The following TRMT61B variants were observed in gnomAD, a reference collection of about 807,000 sequenced individuals.
TRMT61B encodes tRNA methyltransferase 61B.
In TRMT61B, 56 loss-of-function variants were observed where a neutral mutation model predicts 52.0. That is an observed-to-expected ratio of 1.08 (90% CI 0.87 to 1.35). The LOEUF is 1.35. TRMT61B is among the 40% of genes most tolerant of loss of function. TRMT61B has a pLI of 0.00. For missense variants in TRMT61B, 650 were observed against 577.9 expected (o/e 1.12, Z -1.28); for synonymous variants, 206 against 220.0 (o/e 0.94, Z 0.56).
intron 3 of TRMT61B, among the ~76,000 whole-genome samples, chr2:28,856,951 T>C (rs949191224): frequency 7.9e-5 from 12 of 152,070 alleles, no homozygotes; most frequent in African/African-American, 2.9e-4. Context: ...ATTTAATTTT[T>C]GAGACAGAGT....
In TRMT61B at chr2:28,870,021, T is replaced by C. The variant is rs140754065; in HGVS notation, c.257A>G (p.Glu86Gly). 1 of 1,613,804 alleles carries C rather than the reference T, an allele frequency of 6.2e-7. No individual in the cohort carries two copies. The highest frequency in any genetic ancestry group is 1.3e-5 in the African/African-American group (1 of 75,060). The part of the protein sequence containing the change: ...DIGTGCLSSL[E>G]NLRLPTLREE... ...CCGCAGCGTCGGCAGTCTGAGGTTT[T>C]CCAGTGACGAAAGACATCCAGTCCC... Residue 86 changes from glutamate to glycine, a missense_variant, in exon 1 of 7, where the codon GAA (glutamate) becomes GGA (glycine). Transcript: ENST00000306108.
At chr2:28,864,863 G>T (rs564236776) in intron 2 of TRMT61B, among the ~76,000 whole-genome samples, 154 bp downstream of exon 2, 69 of 152,280 alleles carry the variant, frequency 4.5e-4, no homozygotes, top group African/African-American at 1.6e-3. Context: ...TAAATGTACA[G>T]AATGGAAAGA....
chr2:28,860,272 CAAAAAAAA>C (rs540569211), intron 3 of TRMT61B, among the ~76,000 whole-genome samples: 10 of 24,490 alleles, frequency 4.1e-4, no homozygotes, highest in South Asian at 9.3e-3. Flanking sequence ...ACTCTGTTGC[CAAAAAAAA>C]AAAAAAAAAA....
intron 3 of TRMT61B, among the ~76,000 whole-genome samples, chr2:28,860,186 C>T (rs557958351): frequency 5.2e-5 from 7 of 134,654 alleles, no homozygotes; most frequent in Non-Finnish European, 9.3e-5. Context: ...GCAGGAGAAT[C>T]GCTTGAACCC....
At position 28,870,102 on chromosome 2, in the gene TRMT61B, C is replaced by A; in HGVS notation, c.176G>T (p.Arg59Met). The change falls in exon 1 of 7, where the codon AGG becomes ATG. Residue 59 changes from arginine (R) to methionine (M), a missense_variant. Coordinates refer to ENST00000306108, the MANE Select transcript of TRMT61B (RefSeq NM_017910.4). ...GCAAGACTCTGCTCCTGGGGCTTTC[C>A]TTTGTGCCGCCTCGTGCTCTCTTTC... is the stretch of plus-strand genomic sequence containing the variant. Reference protein sequence around the residue: ...DGEREHEAAQRKAPGAESCPS... With the variant: ...DGEREHEAAQMKAPGAESCPS... 3 of 1,614,060 alleles carry A rather than the reference C, an allele frequency of 1.9e-6. No individual in the cohort carries two copies. The highest frequency in any genetic ancestry group is 1.7e-6 in the Non-Finnish European group (2 of 1,180,026).
chr2:28,870,265 A>C lies in TRMT61B; in HGVS notation c.13T>G (p.Trp5Gly), dbSNP rs1393214075. MLMA[W>G]CRGPVLLCLR... is the part of the protein sequence containing the mutation. The stretch of plus-strand genomic sequence containing the variant: ...CACAGCAAGACAGGACCGCGGCACC[A>C]TGCCATTAGCATAGTGTTTCGCGAA... Residue 5 changes from tryptophan to glycine, a missense_variant, in exon 1 of 7, where the codon TGG (tryptophan) becomes GGG (glycine). Transcript: ENST00000306108. 1 of 1,591,624 alleles carries C rather than the reference A, an allele frequency of 6.3e-7. No individual in the cohort carries two copies. The highest frequency in any genetic ancestry group is 8.5e-7 in the Non-Finnish European group (1 of 1,171,272).
chr2:28,870,208 G>A lies in TRMT61B; in HGVS notation c.70C>T (p.Leu24=). The A allele has an allele frequency of 1.9e-6, 3 of 1,611,826 alleles. No homozygotes were observed. The highest frequency in any genetic ancestry group is 2.5e-6 in the Non-Finnish European group (3 of 1,179,848). The change falls in exon 1 of 7, where the codon CTG becomes TTG. Residue 24 remains leucine, a synonymous_variant. Transcript: ENST00000306108. ...LRQGLGTNSF[L]HGLGQEPFEG... ...AAGGGCTCCTGCCCCAGGCCGTGCA[G>A]GAATGAATTGGTTCCGAGCCCCTGC...
At chr2:28,855,224 C>T (rs1402459438) in intron 3 of TRMT61B, among the ~76,000 whole-genome samples, 1 of 152,138 alleles carries the variant, frequency 6.6e-6, no homozygotes, top group Non-Finnish European at 1.5e-5. Context: ...TAGAATCATG[C>T]AGGCTTTAGC....
chr2:28,864,242 T>A (rs1359443378), intron 2 of TRMT61B, among the ~76,000 whole-genome samples: 1 of 152,156 alleles, frequency 6.6e-6, no homozygotes, highest in Non-Finnish European at 1.5e-5. Context: ...CCCCAACAGC[T>A]GACAACGTCC....
intron 2 of TRMT61B, among the ~76,000 whole-genome samples, chr2:28,863,082 C>G (rs1199442272): frequency 2.6e-5 from 4 of 151,986 alleles, no homozygotes; most frequent in African/African-American, 9.7e-5. Flanking sequence ...TCCAAGGTAT[C>G]TTTTGAAATG....
At chr2:28,863,706 C>A (rs769960907) in intron 2 of TRMT61B, among the ~76,000 whole-genome samples, 3 of 152,072 alleles carry the variant, frequency 2.0e-5, no homozygotes, top group Non-Finnish European at 4.4e-5. Flanking sequence ...AAAAGTCAAA[C>A]AAAAGATTGA....
intron 3 of TRMT61B, among the ~76,000 whole-genome samples, chr2:28,855,009 G>A (rs1259132495): frequency 6.6e-6 from 1 of 152,158 alleles, no homozygotes; most frequent in Non-Finnish European, 1.5e-5. Flanking sequence ...GGTCAGTGAA[G>A]AGACCTGAAG....
chr2:28,851,205 C>A lies in TRMT61B; in HGVS notation c.1179G>T (p.Trp393Cys). 6.2e-7 allele frequency: 1 copy of A among 1,613,614 alleles called. No homozygotes were observed. Among genetic ancestry groups the A allele is most frequent in the South Asian group, 1.1e-5 (1 of 90,964 alleles). ...EKISEVIVRD[W>C]LVCLAKQKNG... ...TTTTCTGTTTTGCAAGGCAAACCAA[C>A]CAATCTCTGACAATGACCTCGCTTA... The change falls in exon 5 of 7, where the codon TGG becomes TGT. Residue 393 changes from tryptophan (W) to cysteine (C), a missense_variant. Coordinates refer to ENST00000306108, the MANE Select transcript of TRMT61B (RefSeq NM_017910.4).
At chr2:28,852,307 T>G in intron 4 of TRMT61B, 101 bp downstream of exon 4, 1 of 426,596 alleles carries the variant, frequency 2.3e-6, no homozygotes, top group Non-Finnish European at 3.9e-6. Context: ...AGTTTTTTTC[T>G]GTCTCAAAAA....
At chr2:28,853,178 T>A (rs1034600819) in intron 3 of TRMT61B, among the ~76,000 whole-genome samples, 1 of 151,654 alleles carries the variant, frequency 6.6e-6, no homozygotes, top group African/African-American at 2.4e-5. Flanking sequence ...AATGTGAATT[T>A]CCTTTTTTTT....
At position 28,851,127 on chromosome 2, in the gene TRMT61B, T is replaced by G. The variant is rs1364956825; in HGVS notation, c.1257A>C (p.Leu419=). 3.1e-6 allele frequency: 5 copies of G among 1,612,578 alleles called. No individual in the cohort carries two copies. Among genetic ancestry groups the G allele is most frequent in the Non-Finnish European group, 4.2e-6 (5 of 1,179,608 alleles). ...VESKINTDVQ[L]DSQEKIGVKG... is the part of the protein sequence containing the mutation. ...TAACTCCAATTTTCTCTTGAGAATC[T>G]AGTTGTACATCTGTGTTGATTTTAG... The change falls in exon 5 of 7, where the codon CTA becomes CTC. Residue 419 remains leucine, a synonymous_variant. Coordinates refer to ENST00000306108, the MANE Select transcript of TRMT61B (RefSeq NM_017910.4).
chr2:28,867,023 T>C (rs1219591036), intron 1 of TRMT61B, among the ~76,000 whole-genome samples: 1 of 152,052 alleles, frequency 6.6e-6, no homozygotes. Flanking sequence ...AGTCTTGAAC[T>C]CCTAGCCTCC....
At chr2:28,868,603 A>G (rs1487362432) in intron 1 of TRMT61B, among the ~76,000 whole-genome samples, 1 of 152,266 alleles carries the variant, frequency 6.6e-6, no homozygotes, top group Admixed American at 6.5e-5. Context: ...TGCTGAATAA[A>G]TAACGAATGA....
At chr2:28,864,918 T>C (rs1316018180) in intron 2 of TRMT61B, 99 bp downstream of exon 2, 6 of 675,542 alleles carry the variant, frequency 8.9e-6, no homozygotes, top group Admixed American at 7.4e-5. Flanking sequence ...GCTACCTCAA[T>C]GTTAGGTATT....
Sources: allele counts gnomAD v4.1 joint callset (sites outside exome capture counted in the v4.1 genomes callset), GRCh38; gene constraint gnomAD v4.1.1; transcripts MANE v1.5; gene names NCBI Gene and HGNC (gene_info 2026-07-23, HGNC 2026-07-21).